VEZF1: variants seen among roughly 807,000 people sequenced by gnomAD.
The protein encoded by VEZF1 is vascular endothelial zinc finger 1, also known as putative transcription factor DB1.
In VEZF1, 5 loss-of-function variants were observed where a neutral mutation model predicts 44.1. That is an observed-to-expected ratio of 0.11 (90% CI 0.06 to 0.24). VEZF1 has a LOEUF of 0.24. Among genes scored for constraint, VEZF1 ranks in the 10% least tolerant of loss-of-function variants. The pLI, the probability that VEZF1 is intolerant of heterozygous loss-of-function variation, is 1.00. For missense variants in VEZF1, 358 were observed against 641.8 expected, an observed-to-expected ratio of 0.56 and a Z score of 4.78; for synonymous variants, 236 against 233.1, an observed-to-expected ratio of 1.01 and a Z score of -0.11.
Position 57,974,745 on chromosome 17 carries a change from T to C in VEZF1, c.1294A>G (p.Ser432Gly). ...ATTGGGCTGGTTATGTTAACTGCAC[T>C]TGAAACATTTACTGGACTTCTCATG... ...MSMRSPVNVS[S>G]AVNITSPMNI... The change falls in exon 6 of 6, where the codon AGT becomes GGT. Residue 432 changes from serine to glycine, a missense_variant. Coordinates refer to ENST00000581208, the MANE Select transcript of VEZF1 (RefSeq NM_007146.3). 1.2e-6 allele frequency: 2 copies of C among 1,614,192 alleles called. No homozygotes were observed. Among genetic ancestry groups the C allele is most frequent in the Non-Finnish European group, 1.7e-6 (2 of 1,180,044 alleles).
At chr17:57,983,821 C>T (rs1183508946) in intron 1 of VEZF1, among the ~76,000 whole-genome samples, 2 of 152,192 alleles carry the variant, frequency 1.3e-5, no homozygotes, top group African/African-American at 4.8e-5. Context: ...TGCAATAACA[C>T]AATCATCTAT....
intron 5 of VEZF1, among the ~76,000 whole-genome samples, chr17:57,976,525 T>C (rs1366063410): frequency 1.3e-5 from 2 of 152,216 alleles, no homozygotes; most frequent in African/African-American, 2.4e-5. Context: ...CCAGACAATA[T>C]GATTGTCGAT....
In VEZF1 at chr17:57,974,565, T is replaced by C; in HGVS notation, c.1474A>G (p.Met492Val). ...ITSPMNLPTPMTLAAPLNIAM... is the reference protein window; with the variant it reads ...ITSPMNLPTPVTLAAPLNIAM... The stretch of plus-strand genomic sequence containing the variant: ...ATATTGAGAGGGGCGGCTAATGTCA[T>C]AGGTGTGGGTAGATTCATTGGAGAT... Residue 492 changes from methionine to valine, a missense_variant, in exon 6 of 6, where the codon ATG becomes GTG. Met to Val is a conservative substitution (Grantham distance 21). This residue lies in a region of VEZF1 where 171 missense variants were observed against 272.4 expected (regional missense o/e 0.63). Transcript: ENST00000581208. The C allele has an allele frequency of 1.9e-6, 3 of 1,614,112 alleles. No individual in the cohort carries two copies. The highest frequency in any genetic ancestry group is 1.7e-5 in the Admixed American group (1 of 60,004).
chr17:57,983,150 C>T lies in VEZF1; in HGVS notation c.277G>A (p.Glu93Lys). 1 of 1,614,126 alleles carries T rather than the reference C, an allele frequency of 6.2e-7. No individual in the cohort carries two copies. Among genetic ancestry groups the T allele is most frequent in the Non-Finnish European group, 8.5e-7 (1 of 1,180,016 alleles). ...AACTTGATCCCTGTGTGGCAGGATT[C>T]GTGGCGCCTCAGGTGATAGCTGTCC... ...FRDSYHLRRH[E>K]SCHTGIKLVS... Residue 93 changes from glutamate (E) to lysine (K), a missense_variant, in exon 2 of 6, where the codon GAA becomes AAA. Coordinates refer to ENST00000581208, the MANE Select transcript of VEZF1 (RefSeq NM_007146.3).
At chr17:57,981,456 A>G (rs530388855) in intron 3 of VEZF1, among the ~76,000 whole-genome samples, 86 of 152,366 alleles carry the variant, frequency 5.6e-4, no homozygotes, top group African/African-American at 2.0e-3. Context: ...TGGTAATAAC[A>G]AACAAAAATC....
rs560597975 is a variant in VEZF1, at chr17:57,972,674, G to C, written c.*1799C>G. On this transcript the variant is annotated 3_prime_UTR_variant, in exon 6 of 6. Coordinates refer to ENST00000581208, the MANE Select transcript of VEZF1 (RefSeq NM_007146.3). The stretch of plus-strand genomic sequence containing the variant: ...ACAAACATATACATTAAAAGTGTAG[G>C]AATGTGTTGCCTTCCTGCTAAACAG... The C allele has an allele frequency of 6.6e-6, 1 of 152,626 alleles. No individual in the cohort carries two copies. The highest frequency in any genetic ancestry group is 1.5e-5 in the Non-Finnish European group (1 of 68,024). 9.5% of individuals were successfully genotyped at this position (152,626 alleles called of 1,614,324 possible).
Position 57,988,232 on chromosome 17 carries a change from A to G in VEZF1, c.-121T>C, listed in dbSNP as rs2075322046. On this transcript the variant is annotated 5_prime_UTR_variant, in exon 1 of 6. The change abolishes an upstream ATG in the 5' untranslated region. Transcript: ENST00000581208. ...GCAACGGCAGCGGCGGCTCCTCAAC[A>G]TGGCAGCGCCGAGCGCGGCCACTTC... 5.5e-6 allele frequency: 1 copy of G among 180,824 alleles called. No homozygotes were observed. The highest frequency in any genetic ancestry group is 1.1e-5 in the Non-Finnish European group (1 of 88,554). The allele number at this position is 180,824 out of a possible 1,614,324, so 11.2% of individuals were successfully genotyped here.
At chr17:57,986,957 G>A (rs1218627042) in intron 1 of VEZF1, among the ~76,000 whole-genome samples, 1 of 152,170 alleles carries the variant, frequency 6.6e-6, no homozygotes, top group African/African-American at 2.4e-5. Context: ...TGAGCTCATC[G>A]CTACTGCCCA....
Position 57,988,171 on chromosome 17 carries a change from G to A in VEZF1, c.-60C>T, listed in dbSNP as rs1257414961. On this transcript the variant is annotated 5_prime_UTR_variant, in exon 1 of 6. Coordinates refer to ENST00000581208, the MANE Select transcript of VEZF1 (RefSeq NM_007146.3). The stretch of plus-strand genomic sequence containing the variant: ...CCCCGCTCGGGGAGCCTCCTCAGCC[G>A]GAGGAGGCGACAACAAAGCGGCGGC... 8.6e-6 allele frequency: 4 copies of A among 462,766 alleles called. No individual in the cohort carries two copies. The highest frequency in any genetic ancestry group is 1.3e-5 in the Non-Finnish European group (4 of 317,304). The allele number at this position is 462,766 out of a possible 1,614,324, so 28.7% of individuals were successfully genotyped here.
Position 57,973,292 on chromosome 17 carries a change from A to AT in VEZF1, c.*1180dup. 1 of 152,264 alleles carries AT rather than the reference A, an allele frequency of 6.6e-6. No individual in the cohort carries two copies. The highest frequency in any genetic ancestry group is 2.1e-4 in the South Asian group (1 of 4,826). 9.4% of individuals were successfully genotyped at this position (152,264 alleles called of 1,614,324 possible). The stretch of plus-strand genomic sequence containing the variant: ...TCTCCCTGAAAACACCACAAAGCTG[A>AT]TACAAGTGTTTTCTCAAAGAAAAAA... On this transcript the variant is annotated 3_prime_UTR_variant, in exon 6 of 6. Transcript: ENST00000581208.
chr17:57,987,563 C>A (rs1373201084), intron 1 of VEZF1, among the ~76,000 whole-genome samples: 2 of 152,134 alleles, frequency 1.3e-5, no homozygotes, highest in East Asian at 3.9e-4. Context: ...AGTCAACACA[C>A]GCACGCACAC....
rs2075142388 is a variant in VEZF1, at chr17:57,972,102, A to C, written c.*2371T>G. 6.6e-6 allele frequency: 1 copy of C among 152,642 alleles called. No homozygotes were observed. The allele number at this position is 152,642 out of a possible 1,614,324, so 9.5% of individuals were successfully genotyped here. A position where few individuals can be genotyped will look rare whatever the true frequency, so the allele number is the denominator to read the frequency against. The stretch of plus-strand genomic sequence containing the variant: ...AAGAATGCATACAAAATAGTATTTT[A>C]ACTGAAGTCATACAATGAAGTCTCA... On this transcript the variant is annotated 3_prime_UTR_variant, in exon 6 of 6. Transcript: ENST00000581208.
intron 1 of VEZF1, chr17:57,985,469 G>A (rs973738482): frequency 8.2e-7 from 1 of 1,216,896 alleles, no homozygotes; most frequent in Non-Finnish European, 1.0e-6. Context: ...TTCTTCTCTG[G>A]GGGAGAGACA....
In VEZF1 at chr17:57,988,139, C is replaced by A; in HGVS notation, c.-28G>T. On this transcript the variant is annotated 5_prime_UTR_variant, in exon 1 of 6. Coordinates refer to ENST00000581208, the MANE Select transcript of VEZF1 (RefSeq NM_007146.3). ...CTGCGGCGGCCGACCCCCCTCCTCC[C>A]CACTCCCCCCGCTCGGGGAGCCTCC... 1 of 753,338 alleles carries A rather than the reference C, an allele frequency of 1.3e-6. No homozygotes were observed. Among genetic ancestry groups the A allele is most frequent in the Non-Finnish European group, 1.7e-6 (1 of 580,248 alleles). The allele number at this position is 753,338 out of a possible 1,614,324, so 46.7% of individuals were successfully genotyped here. A position where few individuals can be genotyped will look rare whatever the true frequency, so the allele number is the denominator to read the frequency against.
intron 3 of VEZF1, among the ~76,000 whole-genome samples, chr17:57,981,082 T>G (rs958766907): frequency 6.6e-6 from 1 of 152,222 alleles, no homozygotes; most frequent in Admixed American, 6.5e-5. Flanking sequence ...GGTGTAATGT[T>G]GAACAAGTTG....
At chr17:57,986,532 C>T (rs777691795) in intron 1 of VEZF1, among the ~76,000 whole-genome samples, 46 of 152,046 alleles carry the variant, frequency 3.0e-4, no homozygotes, top group Non-Finnish European at 4.9e-4. Context: ...GCAAGCTCAT[C>T]AAAGTACAAT....
chr17:57,978,967 A>G (rs959104252), intron 5 of VEZF1, among the ~76,000 whole-genome samples, 185 bp downstream of exon 5: 8 of 152,248 alleles, frequency 5.3e-5, no homozygotes, highest in African/African-American at 1.9e-4. Context: ...ATTCCTAGTA[A>G]TAACTTATCT....
At chr17:57,976,001 G>A (rs922319552) in intron 5 of VEZF1, among the ~76,000 whole-genome samples, 12 of 152,100 alleles carry the variant, frequency 7.9e-5, no homozygotes, top group Admixed American at 5.2e-4. Context: ...GTTTCGCCAC[G>A]TTGCCCAGGC....
Position 57,974,547 on chromosome 17 carries a change from GA to G in VEZF1, c.1491del (p.Leu498SerfsTer3). On this transcript the variant is annotated frameshift_variant, in exon 6 of 6. Transcript: ENST00000581208. LOFTEE classifies it high-confidence loss of function. ...NLPTPMTLAAPLNIAMRPVES... is the reference protein window; with the variant it reads ...NLPTPMTLAAXLNIAMRPVES... ...TCTACAGGTCTCATTGCTATATTGAGAGGGGCGGCTAATGTCATAGGTGTGG... is the reference window on the plus strand; with the variant it reads ...TCTACAGGTCTCATTGCTATATTGAGGGGGCGGCTAATGTCATAGGTGTGG... 6.2e-7 allele frequency: 1 copy of G among 1,614,224 alleles called. No individual in the cohort carries two copies. The highest frequency in any genetic ancestry group is 8.5e-7 in the Non-Finnish European group (1 of 1,180,046).
Sources: allele counts gnomAD v4.1 joint callset (sites outside exome capture counted in the v4.1 genomes callset), GRCh38; gene constraint gnomAD v4.1.1; regional missense constraint gnomAD v4.1.1; transcripts MANE v1.5; gene names NCBI Gene and HGNC (gene_info 2026-07-23, HGNC 2026-07-21).